PCDHGB6: variants seen among roughly 807,000 people sequenced by gnomAD.
PCDHGB6 encodes protocadherin gamma-B6.
In PCDHGB6, 51 loss-of-function variants were observed where a neutral mutation model predicts 59.1. That is an observed-to-expected ratio of 0.86 (90% CI 0.69 to 1.09). The LOEUF (loss-of-function observed/expected upper bound fraction) is 1.09. Among genes scored for constraint, PCDHGB6 ranks in the 50% least tolerant of loss-of-function variants. PCDHGB6 has a pLI of 0.00. For missense variants in PCDHGB6, 1,148 were observed against 1,205.1 expected (o/e 0.95, Z 0.70); for synonymous variants, 466 against 495.1 (o/e 0.94, Z 0.78).
intron 1 of PCDHGB6, among the ~76,000 whole-genome samples, chr5:141,443,477 C>T (rs1279226136): frequency 6.6e-6 from 1 of 152,116 alleles, no homozygotes; most frequent in Non-Finnish European, 1.5e-5. Flanking sequence ...CAGAATTAGA[C>T]CCTGTCCCAA....
intron 1 of PCDHGB6, chr5:141,413,265 T>A (rs1301684620): frequency 6.2e-7 from 1 of 1,613,840 alleles, no homozygotes; most frequent in African/African-American, 1.3e-5. Context: ...CATGGGAGGC[T>A]GGAGCCCGGC....
At chr5:141,505,081 G>A (rs2099843521) in intron 2 of PCDHGB6, among the ~76,000 whole-genome samples, 3 of 152,146 alleles carry the variant, frequency 2.0e-5, no homozygotes, top group Admixed American at 2.0e-4. Flanking sequence ...AGAATCGCTT[G>A]AACCCAGGAG....
At chr5:141,505,298 T>TA in intron 2 of PCDHGB6, 95 bp from the exon 3 acceptor site, 1 of 1,586,334 alleles carries the variant, frequency 6.3e-7, no homozygotes, top group Non-Finnish European at 8.6e-7. Context: ...GGGGTAGGGT[T>TA]AGGGTACTAG....
chr5:141,464,266 AAAAAAAAAAAAGC>A (rs2099079689), intron 1 of PCDHGB6, among the ~76,000 whole-genome samples: 2 of 138,926 alleles, frequency 1.4e-5, no homozygotes, highest in Admixed American at 1.4e-4. Flanking sequence ...CTCCGTCTAA[AAAAAAAAAAAAGC>A]AAAAAAAAAA....
Position 141,410,345 on chromosome 5 carries a change from C to T in PCDHGB6, c.2143C>T (p.Leu715=). 1 of 1,614,040 alleles carries T rather than the reference C, an allele frequency of 6.2e-7. No homozygotes were observed. The highest frequency in any genetic ancestry group is 8.5e-7 in the Non-Finnish European group (1 of 1,179,912). The part of the protein sequence containing the change: ...LAVILAIALR[L]RRSLSPATWD... ...CGTGATTCTGGCCATTGCCTTGCGC[C>T]TGCGACGCTCTCTCAGCCCTGCTAC... Residue 715 remains leucine, a synonymous_variant, in exon 1 of 4, where the codon CTG becomes TTG. Coordinates refer to ENST00000520790, the MANE Select transcript of PCDHGB6 (RefSeq NM_018926.3).
intron 1 of PCDHGB6, among the ~76,000 whole-genome samples, chr5:141,474,464 T>C (rs373468290): frequency 6.6e-6 from 1 of 152,252 alleles, no homozygotes; most frequent in African/African-American, 2.4e-5. Context: ...CTATACTCTT[T>C]ATTCTAAATT....
chr5:141,410,835 T>C (rs1360836957), intron 1 of PCDHGB6: 2 of 490,228 alleles, frequency 4.1e-6, no homozygotes, highest in Admixed American at 4.0e-5. Context: ...AGACTGAAGA[T>C]ATTTTGTCTT....
rs73280911 is a variant in PCDHGB6, at chr5:141,446,356, A to C, written c.2418+35736A>C. Among the ~76,000 whole-genome samples the C allele has an allele frequency of 2.0e-5, 3 of 152,188 alleles. No individual in the cohort carries two copies. In the South Asian group the frequency reaches 6.2e-4, roughly 31 times the overall value. On this transcript the variant is annotated intron_variant, in intron 1 of 3. Transcript: ENST00000520790. ...ACTGGATGGACAAAGCTACCATTTGATGAGAATGGAAGACTAAAGAATGAT... is the reference window on the plus strand; with the variant it reads ...ACTGGATGGACAAAGCTACCATTTGCTGAGAATGGAAGACTAAAGAATGAT...
chr5:141,463,904 T>C (rs1289422146), intron 1 of PCDHGB6, among the ~76,000 whole-genome samples: 3 of 152,214 alleles, frequency 2.0e-5, no homozygotes, highest in African/African-American at 4.8e-5. Context: ...TTTGTACTAA[T>C]AATATATCCT....
chr5:141,487,811 A>T lies in PCDHGB6; in HGVS notation c.2419-6996A>T, dbSNP rs1389081995. 2.1e-6 allele frequency: 3 copies of T among 1,414,662 alleles called. No homozygotes were observed. In the African/African-American group the frequency reaches 4.3e-5, roughly 20 times the overall value. 87.6% of individuals were successfully genotyped at this position (1,414,662 alleles called of 1,614,324 possible). A position where few individuals can be genotyped will look rare whatever the true frequency, so the allele number is the denominator to read the frequency against. ...TTAACCAGAGTTGTCACAGTTTAGCATTGGGGGCGGGTCATGCCTATATCT... is the reference window on the plus strand; with the variant it reads ...TTAACCAGAGTTGTCACAGTTTAGCTTTGGGGGCGGGTCATGCCTATATCT... On this transcript the variant is annotated intron_variant, in intron 1 of 3. Transcript: ENST00000520790. The surrounding 1 kb of genome is among the most constrained non-coding windows in gnomAD (Gnocchi z 5.0).
chr5:141,415,452 C>T, intron 1 of PCDHGB6: 1 of 1,614,240 alleles, frequency 6.2e-7, no homozygotes, highest in South Asian at 1.1e-5. Flanking sequence ...CCTATTCCCA[C>T]GAGGTCTCTC....
intron 2 of PCDHGB6, among the ~76,000 whole-genome samples, chr5:141,501,700 C>T (rs936448354): frequency 6.6e-6 from 1 of 151,950 alleles, no homozygotes; most frequent in African/African-American, 2.4e-5. Flanking sequence ...AGGGTGATTC[C>T]GAGGATAAAA....
At chr5:141,413,035 C>A (rs1481573261) in intron 1 of PCDHGB6, 2 of 800,134 alleles carry the variant, frequency 2.5e-6, no homozygotes, top group African/African-American at 1.7e-5. Context: ...AAACCGGCTG[C>A]TGGGCTGCAG....
chr5:141,455,140 A>G (rs1465733732), intron 1 of PCDHGB6, among the ~76,000 whole-genome samples: 1 of 150,512 alleles, frequency 6.6e-6, no homozygotes, highest in Non-Finnish European at 1.5e-5. Context: ...ACACTGTGTT[A>G]AATAAATATT....
In PCDHGB6 at chr5:141,408,636, C is replaced by A; in HGVS notation, c.434C>A (p.Ser145Tyr). The A allele has an allele frequency of 6.2e-7, 1 of 1,614,024 alleles. No homozygotes were observed. The highest frequency in any genetic ancestry group is 8.5e-7 in the Non-Finnish European group (1 of 1,179,894). The change falls in exon 1 of 4, where the codon TCT (serine) becomes TAT (tyrosine). Residue 145 changes from serine (S) to tyrosine (Y), a missense_variant. Ser to Tyr is a moderately radical substitution (Grantham distance 144). Transcript: ENST00000520790. ...KKEIHLEIFE[S>Y]ASAGTRLSLD... ...GAAATACATTTAGAAATTTTCGAAT[C>A]TGCATCCGCTGGTACACGACTATCG...
chr5:141,486,322 A>G lies in PCDHGB6; in HGVS notation c.2419-8485A>G. The G allele has an allele frequency of 1.9e-6, 3 of 1,613,926 alleles. No homozygotes were observed. The highest frequency in any genetic ancestry group is 2.5e-6 in the Non-Finnish European group (3 of 1,179,962). On this transcript the variant is annotated intron_variant, in intron 1 of 3. Coordinates refer to ENST00000520790, the MANE Select transcript of PCDHGB6 (RefSeq NM_018926.3). This position sits in a 1 kb window ranked among gnomAD's most constrained non-coding sequence, Gnocchi z 5.0. ...AGGATCCAGACTCAGGGTCAAACGG[A>G]GATGTGAGCCTCCGCATTCCTGACC...
At position 141,418,522 on chromosome 5, in the gene PCDHGB6, C is replaced by T. The variant is rs751177053; in HGVS notation, c.2418+7902C>T. The T allele has an allele frequency of 1.5e-5, 24 of 1,613,884 alleles. No individual in the cohort carries two copies. The African/African-American group carries it at 2.7e-4, about 18-fold the overall frequency. ...CCGCCTTAGATGGTGGGGACCCTCC[C>T]CGAAGCGGTACTGCTCAGATAAGAA... is the stretch of plus-strand genomic sequence containing the variant. On this transcript the variant is annotated intron_variant, in intron 1 of 3. Transcript: ENST00000520790.
chr5:141,510,209 G>T (rs1294961681), intron 3 of PCDHGB6, among the ~76,000 whole-genome samples: 12 of 151,440 alleles, frequency 7.9e-5, no homozygotes, highest in African/African-American at 2.9e-4. Flanking sequence ...GGAGGCAGAG[G>T]TTGCAGTGAG....
chr5:141,430,952 C>T, intron 1 of PCDHGB6: 2 of 1,610,382 alleles, frequency 1.2e-6, no homozygotes, highest in Non-Finnish European at 1.7e-6. Flanking sequence ...GCGCGGAGTC[C>T]GCATCATCCC....
Sources: allele counts gnomAD v4.1 joint callset (sites outside exome capture counted in the v4.1 genomes callset), GRCh38; gene constraint gnomAD v4.1.1; non-coding constraint Gnocchi (gnomAD v3.1); transcripts MANE v1.5; gene names NCBI Gene and HGNC (gene_info 2026-07-23, HGNC 2026-07-21).